BRD4: variants seen among roughly 807,000 people sequenced by gnomAD.
BRD4 encodes bromodomain-containing protein 4.
Under a neutral mutation model 142.1 loss-of-function variants are expected in BRD4, and 16 were observed. The ratio of observed to expected loss-of-function variants is 0.11; its 90% confidence interval spans 0.08 to 0.17. The LOEUF (loss-of-function observed/expected upper bound fraction) is 0.17, where lower values mean the gene tolerates loss of function less well. Among genes scored for constraint, BRD4 ranks in the 10% least tolerant of loss-of-function variants. The probability of loss-of-function intolerance (pLI) is 1.00; values close to 1 mark genes in which losing one functional copy is unlikely to be tolerated. For missense variants in BRD4, 1,424 were observed against 1,810.9 expected (o/e 0.79, Z 3.88); for synonymous variants, 833 against 707.5 (o/e 1.18, Z -2.82).
chr19:15,254,035 C>G (rs2047379082), intron 11 of BRD4, 117 bp downstream of exon 11: 3 of 857,688 alleles, frequency 3.5e-6, no homozygotes, highest in African/African-American at 3.3e-5. Flanking sequence ...ACAGAGGAAC[C>G]CAGCAAGTTC....
rs1453756538 is a variant in BRD4 at position 15,254,202 on chromosome 19, G to A, written c.2108C>T (p.Ser703Leu). 16 of 1,614,222 alleles carry A rather than the reference G, an allele frequency of 9.9e-6. No individual in the cohort carries two copies. Among genetic ancestry groups the A allele is most frequent in the Middle Eastern group, 1.6e-4 (1 of 6,062 alleles). The change falls in exon 11 of 20, where the codon TCG becomes TTG. Residue 703 changes from serine (S) to leucine (L), a missense_variant. By Grantham distance (145) the Ser-to-Leu change is moderately radical (BLOSUM62 -2). Coordinates refer to ENST00000679869, the MANE Select transcript of BRD4 (RefSeq NM_001379291.1). ...SKMKGFSSSE[S>L]ESSSESSSSD... ...GGAGCTGGACTCACTGGAGCTCTCCGACTCTGAGGACGAGAAGCCCTTCAT... is the reference window on the plus strand; with the variant it reads ...GGAGCTGGACTCACTGGAGCTCTCCAACTCTGAGGACGAGAAGCCCTTCAT...
chr19:15,266,254 G>T (rs916038596), intron 4 of BRD4, among the ~76,000 whole-genome samples: 1 of 152,204 alleles, frequency 6.6e-6, no homozygotes, highest in Non-Finnish European at 1.5e-5. Context: ...TAACAAAACT[G>T]GGTGGACCAG....
chr19:15,302,709 A>C (rs1341250511), intron 1 of BRD4, among the ~76,000 whole-genome samples: 7 of 150,890 alleles, frequency 4.6e-5, no homozygotes, highest in Non-Finnish European at 7.4e-5. Flanking sequence ...TAAAAAATTA[A>C]AAAGTGCTTT....
chr19:15,318,658 T>A lies in BRD4; in HGVS notation c.-35+13632A>T, dbSNP rs577303302. Among the ~76,000 whole-genome samples the A allele has an allele frequency of 2.0e-5, 3 of 152,276 alleles. No individual in the cohort carries two copies. The South Asian group carries it at 6.2e-4, about 32-fold the overall frequency. On this transcript the variant is annotated intron_variant, in intron 1 of 19. Coordinates refer to ENST00000679869, the MANE Select transcript of BRD4 (RefSeq NM_001379291.1). ...CATAAATCTTGTAAGCCTACCCACA[T>A]CCAACACTACCACATAAATAATGAG...
intron 9 of BRD4, 54 bp from the exon 10 acceptor site, chr19:15,255,646 G>A (rs1301664148): frequency 1.9e-6 from 3 of 1,539,584 alleles, no homozygotes; most frequent in Non-Finnish European, 2.6e-6. Context: ...AGGAAGCCAG[G>A]CACTCATTCC....
chr19:15,264,398 G>T lies in BRD4; in HGVS notation c.1212+6C>A. 1.9e-6 allele frequency: 3 copies of T among 1,589,960 alleles called. No individual in the cohort carries two copies. The highest frequency in any genetic ancestry group is 2.6e-6 in the Non-Finnish European group (3 of 1,163,828). On this transcript the variant is annotated splice_donor_region_variant and intron_variant, in intron 6 of 19. Transcript: ENST00000679869. ...TTGTCCCTTCCCTCAGGCACATCCC[G>T]CTAACCTTGATTGTGCTCATGTCCA...
In BRD4 at chr19:15,255,155, G is replaced by A. The variant is rs2047392858; in HGVS notation, c.2047+142C>T. 25 of 836,006 alleles carry A rather than the reference G, an allele frequency of 3.0e-5. 1 individual carries two copies. The South Asian group carries it at 4.5e-4, about 15-fold the overall frequency. The allele number at this position is 836,006 out of a possible 1,614,324, so 51.8% of individuals were successfully genotyped here. A position where few individuals can be genotyped will look rare whatever the true frequency, so the allele number is the denominator to read the frequency against. On this transcript the variant is annotated intron_variant, in intron 10 of 19. Coordinates refer to ENST00000679869, the MANE Select transcript of BRD4 (RefSeq NM_001379291.1). ...GAGTGCAATGTCACAACCTTTCGGA[G>A]GTTTCTGTGTCAAGAACACAGATAT...
rs1319478102 is a variant in BRD4, at chr19:15,236,472, G to A, written c.*1905C>T. 2 of 151,544 alleles carry A rather than the reference G, an allele frequency of 1.3e-5. No individual in the cohort carries two copies. The highest frequency in any genetic ancestry group is 2.9e-5 in the Non-Finnish European group (2 of 67,976). The allele number at this position is 151,544 out of a possible 1,614,324, so 9.4% of individuals were successfully genotyped here. A position where few individuals can be genotyped will look rare whatever the true frequency, so the allele number is the denominator to read the frequency against. ...GGAGTTAGGTTGAGGCAGGCAAGGT[G>A]GGAGAAGTGGCCCAAGTCCTTTGGT... On this transcript the variant is annotated 3_prime_UTR_variant, in exon 20 of 20. Transcript: ENST00000679869.
At chr19:15,257,223 G>A (rs762274087) in intron 7 of BRD4, 50 bp from the exon 8 acceptor site, 1 of 1,521,154 alleles carries the variant, frequency 6.6e-7, no homozygotes, top group East Asian at 2.3e-5. Context: ...CCAGGCCGCG[G>A]CCTAGCATCA....
chr19:15,302,418 A>G (rs1222914097), intron 1 of BRD4, among the ~76,000 whole-genome samples: 1 of 152,108 alleles, frequency 6.6e-6, no homozygotes, highest in Non-Finnish European at 1.5e-5. Context: ...TCCTGTCTGT[A>G]AAACAGAGCA....
chr19:15,285,163 G>T (rs976229265), intron 1 of BRD4, among the ~76,000 whole-genome samples: 1 of 152,186 alleles, frequency 6.6e-6, no homozygotes, highest in Non-Finnish European at 1.5e-5. Context: ...CCCTGCAGAT[G>T]TGGCCAGCTT....
intron 1 of BRD4, among the ~76,000 whole-genome samples, chr19:15,319,892 T>C (rs1287748711): frequency 1.3e-5 from 2 of 152,122 alleles, no homozygotes; most frequent in African/African-American, 4.8e-5. Flanking sequence ...GCTGTGATCA[T>C]GCCACTGCAC....
At chr19:15,301,196 T>C (rs33998519) in intron 1 of BRD4, among the ~76,000 whole-genome samples, 13,162 of 152,268 alleles carry the variant, frequency 0.086, 810 homozygotes, top group Non-Finnish European at 0.13. Flanking sequence ...CTCCCCTGCA[T>C]TGTATGATGC....
rs200525783 is a variant in BRD4 at position 15,244,454 on chromosome 19, C to T, written c.2358G>A (p.Pro786=). 3.8e-4 allele frequency: 167 copies of T among 434,140 alleles called. No homozygotes were observed. Among genetic ancestry groups the T allele is most frequent in the African/African-American group, 3.0e-3 (109 of 36,752 alleles). 26.9% of individuals were successfully genotyped at this position (434,140 alleles called of 1,614,324 possible). A position where few individuals can be genotyped will look rare whatever the true frequency, so the allele number is the denominator to read the frequency against. ...PPPPPPPPSM[P]QQAAPAMKSS... is the part of the protein sequence containing the mutation. The stretch of plus-strand genomic sequence containing the variant: ...ACTTCATCGCCGGGGCTGCCTGCTG[C>T]GGCATGGAGGGTGGGGGAGGCGGGG... The change falls in exon 13 of 20, where the codon CCG becomes CCA. Residue 786 remains proline, a synonymous_variant. Transcript: ENST00000679869.
intron 1 of BRD4, among the ~76,000 whole-genome samples, chr19:15,306,946 A>C (rs961341338): frequency 3.9e-5 from 6 of 152,200 alleles, no homozygotes; most frequent in African/African-American, 1.4e-4. Context: ...CTGATAAAAG[A>C]CTTGCTCAAT....
At chr19:15,274,021 C>T (rs980092918) in intron 1 of BRD4, among the ~76,000 whole-genome samples, 2 of 152,106 alleles carry the variant, frequency 1.3e-5, no homozygotes. Flanking sequence ...GGCAAATAAT[C>T]CTATTTTAAA....
chr19:15,313,622 G>C (rs1361985280), intron 1 of BRD4, among the ~76,000 whole-genome samples: 1 of 150,006 alleles, frequency 6.7e-6, no homozygotes, highest in Non-Finnish European at 1.5e-5. Context: ...GTTGCAGTGA[G>C]CCGAGATTGC....
chr19:15,239,100 G>A lies in BRD4; in HGVS notation c.3741C>T (p.His1247=), dbSNP rs367944319. The change falls in exon 18 of 20, where the codon CAC becomes CAT. Residue 1247 remains histidine, a synonymous_variant. Transcript: ENST00000679869. This position sits in a 1 kb window ranked among gnomAD's most constrained non-coding sequence, Gnocchi z 7.4. ...GCAGCCGCTCCTTCTCCTTCTCAGC[G>A]TGCTCGGCCTGAGCCTTCAGGGCCT... The part of the protein sequence containing the change: ...REKALKAQAE[H]AEKEKERLRQ... The A allele has an allele frequency of 4.4e-5, 70 of 1,607,322 alleles. No individual in the cohort carries two copies. Among genetic ancestry groups the A allele is most frequent in the Middle Eastern group, 1.6e-4 (1 of 6,078 alleles).
chr19:15,272,765 A>T (rs2047602212), intron 2 of BRD4, 50 bp downstream of exon 2: 2 of 1,551,026 alleles, frequency 1.3e-6, no homozygotes, highest in South Asian at 2.3e-5. Context: ...GGAGACATGC[A>T]GGAGACGACC....
Sources: gnomAD v4.1 joint callset for allele counts (sites outside exome capture counted in the v4.1 genomes callset) on GRCh38, gnomAD v4.1.1 for gene constraint, Gnocchi (gnomAD v3.1) non-coding constraint, MANE v1.5 for transcripts, NCBI Gene and HGNC (gene_info 2026-07-23, HGNC 2026-07-21) for gene names.